Variants in GRID1 observed in about 807,000 individuals in gnomAD.
The protein encoded by GRID1 is glutamate ionotropic receptor delta type subunit 1.
A neutral mutation model predicts 98.0 loss-of-function variants in GRID1; 28 were observed. The observed-to-expected ratio is 0.29, with a 90% CI of 0.21 to 0.39. GRID1 has a LOEUF of 0.39. Ranked by LOEUF, GRID1 falls within the 10% of genes least tolerant of loss-of-function variation. GRID1 has a pLI of 1.00. For synonymous variants in GRID1, 553 were observed against 538.5 expected, an observed-to-expected ratio of 1.03 and a Z score of -0.37; for missense variants, 1,111 against 1,340.5, an observed-to-expected ratio of 0.83 and a Z score of 2.67.
At chr10:85,964,776 C>A (rs11201854) in intron 4 of GRID1, among the ~76,000 whole-genome samples, 3,554 of 152,146 alleles carry the variant, frequency 0.023, 114 homozygotes, top group East Asian at 0.13. Context: ...GCAATGAAAG[C>A]CAAAATTGAC....
chr10:85,971,473 A>C (rs1280535849), intron 4 of GRID1, among the ~76,000 whole-genome samples: 1 of 150,668 alleles, frequency 6.6e-6, no homozygotes, highest in Non-Finnish European at 1.5e-5. Context: ...AGTTTTAAAA[A>C]TTATCCTGTA....
At chr10:86,359,021 C>A (rs1346002966) in intron 2 of GRID1, among the ~76,000 whole-genome samples, 5 of 152,168 alleles carry the variant, frequency 3.3e-5, no homozygotes, top group Non-Finnish European at 7.3e-5. Flanking sequence ...TTTCCTCCAG[C>A]CTCCAGAAGG....
Position 85,933,866 on chromosome 10 carries a change from A to C in GRID1, c.727-17627T>G, listed in dbSNP as rs1040806082. 5.9e-5 allele frequency among the ~76,000 whole-genome samples: 9 copies of C among 152,204 alleles called. No individual in the cohort carries two copies. In the East Asian group the frequency reaches 1.7e-3, roughly 29 times the overall value. ...TGTGCATGAGGGCTGGAGATTTATA[A>C]TAGTCTGCTCAAAGAAATAGTTCAA... On this transcript the variant is annotated intron_variant, in intron 4 of 15. Transcript: ENST00000327946.
At chr10:86,025,413 T>C (rs577364567) in intron 4 of GRID1, among the ~76,000 whole-genome samples, 2 of 152,344 alleles carry the variant, frequency 1.3e-5, no homozygotes, top group South Asian at 2.1e-4. Flanking sequence ...CTCACTTGAC[T>C]CCTCACTTCC....
intron 4 of GRID1, among the ~76,000 whole-genome samples, chr10:85,962,339 C>T (rs1353885905): frequency 6.6e-6 from 1 of 152,188 alleles, no homozygotes; most frequent in Non-Finnish European, 1.5e-5. Flanking sequence ...TCCCAATTTC[C>T]ACCTTGCTTC....
At chr10:85,938,642 C>A (rs1236850296) in intron 4 of GRID1, among the ~76,000 whole-genome samples, 1 of 152,080 alleles carries the variant, frequency 6.6e-6, no homozygotes, top group East Asian at 1.9e-4. Flanking sequence ...AGTAAACATG[C>A]TGAAAATATA....
At chr10:86,296,916 A>C (rs1847601843) in intron 2 of GRID1, among the ~76,000 whole-genome samples, 1 of 152,206 alleles carries the variant, frequency 6.6e-6, no homozygotes, top group Non-Finnish European at 1.5e-5. Flanking sequence ...GAAGCAACAA[A>C]GAGTATAACT....
At chr10:86,285,744 G>A (rs1166296345) in intron 2 of GRID1, among the ~76,000 whole-genome samples, 1 of 152,188 alleles carries the variant, frequency 6.6e-6, no homozygotes, top group Non-Finnish European at 1.5e-5. Context: ...ATAGGAATAG[G>A]AGTAGAAATA....
At position 85,602,606 on chromosome 10, in the gene GRID1, C is replaced by T. The variant is rs1235594216; in HGVS notation, c.2697G>A (p.Glu899=). ...GGCCCCCCATCTCCAGGGCCGAGAG[C>T]TCAATCGACGCTGGGGAAATCTGCT... is the stretch of plus-strand genomic sequence containing the variant. ...AHKQISPASI[E]LSALEMGGLA... is the part of the protein sequence containing the mutation. The change falls in exon 16 of 16, where the codon GAG becomes GAA. Residue 899 remains glutamate, a synonymous_variant. Coordinates refer to ENST00000327946, the MANE Select transcript of GRID1 (RefSeq NM_017551.3). 1 of 1,614,054 alleles carries T rather than the reference C, an allele frequency of 6.2e-7. No individual in the cohort carries two copies. Among genetic ancestry groups the T allele is most frequent in the Non-Finnish European group, 8.5e-7 (1 of 1,179,970 alleles).
At chr10:86,315,315 G>T (rs1378844627) in intron 2 of GRID1, among the ~76,000 whole-genome samples, 1 of 152,124 alleles carries the variant, frequency 6.6e-6, no homozygotes, top group Non-Finnish European at 1.5e-5. Flanking sequence ...TGTCACCCTG[G>T]CCAGGCATAG....
At chr10:85,923,499 G>C (rs1841734169) in intron 4 of GRID1, among the ~76,000 whole-genome samples, 1 of 152,230 alleles carries the variant, frequency 6.6e-6, no homozygotes, top group Non-Finnish European at 1.5e-5. Flanking sequence ...CAGGCTGGGG[G>C]CAATCGCTGG....
At chr10:85,720,921 A>G (rs1269412397) in intron 12 of GRID1, among the ~76,000 whole-genome samples, 3 of 152,196 alleles carry the variant, frequency 2.0e-5, no homozygotes, top group Non-Finnish European at 4.4e-5. Flanking sequence ...TGAAAAGACA[A>G]GCTATAGAGT....
At chr10:85,822,708 A>C (rs937827846) in intron 8 of GRID1, among the ~76,000 whole-genome samples, 1 of 152,198 alleles carries the variant, frequency 6.6e-6, no homozygotes, top group Non-Finnish European at 1.5e-5. Flanking sequence ...AAAAGATTAT[A>C]AATCATGCTG....
intron 4 of GRID1, among the ~76,000 whole-genome samples, chr10:86,032,544 G>A (rs1280628935): frequency 1.3e-5 from 2 of 152,280 alleles, no homozygotes; most frequent in Non-Finnish European, 2.9e-5. Flanking sequence ...CTTGCTCTCT[G>A]AAACATGTGC....
chr10:85,742,066 C>T (rs1841949242), intron 8 of GRID1, among the ~76,000 whole-genome samples: 1 of 152,212 alleles, frequency 6.6e-6, no homozygotes, highest in Non-Finnish European at 1.5e-5. Context: ...CTATTTTCTT[C>T]ATACTTCTCA....
chr10:86,271,671 G>GA (rs1314020512), intron 2 of GRID1, among the ~76,000 whole-genome samples: 1 of 151,966 alleles, frequency 6.6e-6, no homozygotes, highest in Non-Finnish European at 1.5e-5. Flanking sequence ...GATACAGCAG[G>GA]AAAAAATTAG....
Position 85,976,145 on chromosome 10 carries a change from T to G in GRID1, c.727-59906A>C, listed in dbSNP as rs1182427939. Reference sequence around the variant, plus strand: ...ATTCTCTTCTCTTTTTTCCCCTTAATTAATAAGAAGCATTTATTTTCTCTA... The same window carrying G: ...ATTCTCTTCTCTTTTTTCCCCTTAAGTAATAAGAAGCATTTATTTTCTCTA... On this transcript the variant is annotated intron_variant, in intron 4 of 15. Transcript: ENST00000327946. Among the ~76,000 whole-genome samples the G allele has an allele frequency of 2.0e-5, 3 of 152,240 alleles. 1 individual carries two copies. The highest frequency in any genetic ancestry group is 7.2e-5 in the African/African-American group (3 of 41,462).
intron 4 of GRID1, among the ~76,000 whole-genome samples, chr10:86,106,828 C>G (rs543947679): frequency 2.6e-5 from 4 of 152,024 alleles, no homozygotes; most frequent in Admixed American, 2.0e-4. Context: ...AGGATGAGGC[C>G]GTTGGAGGTG....
chr10:86,210,421 C>T (rs965663934), intron 2 of GRID1, among the ~76,000 whole-genome samples: 2 of 152,192 alleles, frequency 1.3e-5, no homozygotes, highest in Non-Finnish European at 2.9e-5. Context: ...GAATCTCTAC[C>T]CAGCAGAGCT....
Sources: allele counts gnomAD v4.1 joint callset (sites outside exome capture counted in the v4.1 genomes callset), GRCh38; gene constraint gnomAD v4.1.1; transcripts MANE v1.5; gene names NCBI Gene and HGNC (gene_info 2026-07-23, HGNC 2026-07-21).